Variants in NUBPL observed in about 807,000 individuals in gnomAD.
The protein encoded by NUBPL is NUBP iron-sulfur cluster assembly factor, mitochondrial, also known as iron-sulfur cluster transfer protein NUBPL.
A neutral mutation model predicts 45.7 loss-of-function variants in NUBPL; 31 were observed. That is an observed-to-expected ratio of 0.68 (90% CI 0.51 to 0.92). NUBPL has a LOEUF of 0.92. Among genes scored for constraint, NUBPL ranks in the 40% least tolerant of loss-of-function variants. The probability of loss-of-function intolerance (pLI) is 0.00; values close to 1 mark genes in which losing one functional copy is unlikely to be tolerated. For missense variants in NUBPL, 401 were observed against 398.7 expected (o/e 1.01, Z -0.05); for synonymous variants, 144 against 140.9 (o/e 1.02, Z -0.15).
At chr14:31,611,698 G>A (rs1377445864) in intron 4 of NUBPL, among the ~76,000 whole-genome samples, 1 of 152,106 alleles carries the variant, frequency 6.6e-6, no homozygotes, top group African/African-American at 2.4e-5. Context: ...AACCAAAACA[G>A]GATGGTACTG....
intron 6 of NUBPL, among the ~76,000 whole-genome samples, chr14:31,758,625 T>A (rs900598126): frequency 1.3e-5 from 2 of 152,134 alleles, no homozygotes; most frequent in Admixed American, 1.3e-4. Flanking sequence ...TGTTAATAAT[T>A]ATGAAATATT....
intron 7 of NUBPL, among the ~76,000 whole-genome samples, chr14:31,817,190 C>T (rs1335391049): frequency 2.0e-5 from 3 of 152,094 alleles, no homozygotes; most frequent in African/African-American, 4.8e-5. Context: ...ACCAAACCTA[C>T]GTTTCATTGG....
chr14:31,567,321 G>A (rs865797705), intron 3 of NUBPL, among the ~76,000 whole-genome samples: 37 of 152,244 alleles, frequency 2.4e-4, no homozygotes, highest in African/African-American at 7.2e-4. Flanking sequence ...CTTAACCTGC[G>A]TGGGATTTGG....
chr14:31,678,830 G>GGCTCTGAGCACA (rs2036761336), intron 6 of NUBPL, among the ~76,000 whole-genome samples: 2 of 152,280 alleles, frequency 1.3e-5, no homozygotes, highest in South Asian at 4.1e-4. Context: ...CTGGTCCACT[G>GGCTCTGAGCACA]GCTCTGAGCA....
intron 6 of NUBPL, among the ~76,000 whole-genome samples, chr14:31,689,654 C>G (rs2037047218): frequency 6.6e-6 from 1 of 152,124 alleles, no homozygotes; most frequent in Admixed American, 6.6e-5. Flanking sequence ...TGTGCAGAAG[C>G]TTTTAAGTTT....
chr14:31,793,804 A>G (rs1284105673), intron 7 of NUBPL, among the ~76,000 whole-genome samples: 1 of 149,462 alleles, frequency 6.7e-6, no homozygotes, highest in Non-Finnish European at 1.5e-5. Flanking sequence ...GTTTATGTAG[A>G]AGGATTTGTG....
intron 6 of NUBPL, among the ~76,000 whole-genome samples, chr14:31,755,299 G>A (rs1310574357): frequency 6.6e-6 from 1 of 152,096 alleles, no homozygotes; most frequent in Non-Finnish European, 1.5e-5. Flanking sequence ...GGTTGAACCA[G>A]TTTACAGTCC....
chr14:31,743,395 A>G (rs1490543258), intron 6 of NUBPL, among the ~76,000 whole-genome samples: 1 of 151,960 alleles, frequency 6.6e-6, no homozygotes, highest in African/African-American at 2.4e-5. Flanking sequence ...TTTGTTTTAA[A>G]TTGAGACAGA....
intron 4 of NUBPL, among the ~76,000 whole-genome samples, chr14:31,616,131 T>G (rs1377579056): frequency 6.6e-6 from 1 of 152,192 alleles, no homozygotes; most frequent in Non-Finnish European, 1.5e-5. Flanking sequence ...TGCCCACTTT[T>G]TGATGGGGTT....
At chr14:31,792,490 T>TACCA (rs34795253) in intron 7 of NUBPL, among the ~76,000 whole-genome samples, 151,818 of 152,182 alleles carry the variant, frequency 1, 75,729 homozygotes, top group Middle Eastern at 1. Flanking sequence ...CTGATTCATA[T>TACCA]GCCTTGAACA....
intron 6 of NUBPL, among the ~76,000 whole-genome samples, chr14:31,681,071 A>AAAGT (rs957362473): frequency 2.0e-5 from 3 of 152,060 alleles, no homozygotes; most frequent in African/African-American, 7.2e-5. Context: ...CTGGCCTCAA[A>AAAGT]AAGTAAGTTG....
chr14:31,826,582 T>C (rs780024082), intron 7 of NUBPL, 47 bp from the exon 8 acceptor site: 5 of 1,533,446 alleles, frequency 3.3e-6, no homozygotes, highest in Non-Finnish European at 4.5e-6. Context: ...AAGTAATTTC[T>C]CCATAGAGAA....
At position 31,716,723 on chromosome 14, in the gene NUBPL, A is replaced by G. The variant is rs370814376; in HGVS notation, c.513+43149A>G. On this transcript the variant is annotated intron_variant, in intron 6 of 10. Transcript: ENST00000281081. ...ATGGAAAGCTCTGCTTGACTGTCCT[A>G]TGGATATCTCAAAGTCCCAAAGTCC... 1.4e-4 allele frequency among the ~76,000 whole-genome samples: 21 copies of G among 152,258 alleles called. No individual in the cohort carries two copies. The East Asian group carries it at 3.9e-3, about 28-fold the overall frequency.
chr14:31,800,589 A>T (rs2039568318), intron 7 of NUBPL, among the ~76,000 whole-genome samples: 1 of 152,214 alleles, frequency 6.6e-6, no homozygotes. Flanking sequence ...TTCAATTTGT[A>T]AAAAATGCAG....
chr14:31,699,684 C>T (rs4981112), intron 6 of NUBPL, among the ~76,000 whole-genome samples: 55,854 of 152,164 alleles, frequency 0.37, 12,614 homozygotes, highest in East Asian at 0.6. Context: ...CCCAAGTTCT[C>T]ATTCAGCTAC....
At chr14:31,803,724 T>C (rs1016305185) in intron 7 of NUBPL, among the ~76,000 whole-genome samples, 1 of 152,216 alleles carries the variant, frequency 6.6e-6, no homozygotes, top group Non-Finnish European at 1.5e-5. Flanking sequence ...GTTAAAAAAT[T>C]CTTTCTGAAA....
At chr14:31,637,328 A>G (rs1412970834) in intron 4 of NUBPL, among the ~76,000 whole-genome samples, 4 of 151,942 alleles carry the variant, frequency 2.6e-5, no homozygotes, top group East Asian at 1.9e-4. Context: ...CTTTATTTCT[A>G]CCTTCATTTC....
At chr14:31,600,505 A>T (rs2034403253) in intron 4 of NUBPL, among the ~76,000 whole-genome samples, 1 of 152,226 alleles carries the variant, frequency 6.6e-6, no homozygotes, top group African/African-American at 2.4e-5. Flanking sequence ...GAGAACATGC[A>T]AACTTTACAC....
At chr14:31,732,203 A>AAAAAAAAAAAAC (rs2038065623) in intron 6 of NUBPL, among the ~76,000 whole-genome samples, 1 of 147,984 alleles carries the variant, frequency 6.8e-6, no homozygotes, top group African/African-American at 2.5e-5. Flanking sequence ...CAAAAAAAAA[A>AAAAAAAAAAAAC]TGAAAGAAAG....
Sources: allele counts gnomAD v4.1 joint callset (sites outside exome capture counted in the v4.1 genomes callset), GRCh38; gene constraint gnomAD v4.1.1; transcripts MANE v1.5; gene names NCBI Gene and HGNC (gene_info 2026-07-23, HGNC 2026-07-21).